Variants in NFASC observed in about 807,000 individuals in gnomAD.
NFASC encodes neurofascin.
A neutral mutation model predicts 147.5 loss-of-function variants in NFASC; 43 were observed. The observed-to-expected ratio is 0.29, with a 90% CI of 0.23 to 0.38. The LOEUF is 0.38. Among genes scored for constraint, NFASC ranks in the 10% least tolerant of loss-of-function variants. The pLI, the probability that NFASC is intolerant of heterozygous loss-of-function variation, is 1.00. For missense variants in NFASC, 1,320 were observed against 1,689.0 expected (o/e 0.78, Z 3.83); for synonymous variants, 622 against 665.5 (o/e 0.93, Z 1.01).
chr1:204,843,173 G>A (rs1424807351), intron 1 of NFASC, among the ~76,000 whole-genome samples: 1 of 152,196 alleles, frequency 6.6e-6, no homozygotes, highest in Non-Finnish European at 1.5e-5. Context: ...GCAGGCTGGT[G>A]ACATCATCCA....
At chr1:204,974,905 T>C (rs2095361875) in intron 14 of NFASC, 82 bp downstream of exon 14, 1 of 1,420,544 alleles carries the variant, frequency 7.0e-7, no homozygotes, top group Non-Finnish European at 9.9e-7. Context: ...AATATTCACA[T>C]TGAAAATGCA....
chr1:204,961,966 A>G (rs2094694223), intron 8 of NFASC: 1 of 644,218 alleles, frequency 1.6e-6, no homozygotes, highest in African/African-American at 1.8e-5. Context: ...CTTTCCAAAT[A>G]TGCCGTGTCT....
intron 1 of NFASC, among the ~76,000 whole-genome samples, chr1:204,861,043 T>C (rs2102843005): frequency 6.6e-6 from 1 of 152,132 alleles, no homozygotes; most frequent in South Asian, 2.1e-4. Flanking sequence ...TATGAACATT[T>C]TTGTGTACAA....
chr1:204,909,162 A>G (rs986363951), intron 1 of NFASC, among the ~76,000 whole-genome samples: 1 of 152,210 alleles, frequency 6.6e-6, no homozygotes, highest in African/African-American at 2.4e-5. Context: ...AAACTGCCAA[A>G]CCATATTCTA....
At chr1:205,001,528 C>T (rs2095986004) in intron 26 of NFASC, among the ~76,000 whole-genome samples, 1 of 152,144 alleles carries the variant, frequency 6.6e-6, no homozygotes, top group African/African-American at 2.4e-5. Flanking sequence ...GATTGCATGT[C>T]TGTGGAGGAC....
intron 1 of NFASC, among the ~76,000 whole-genome samples, chr1:204,903,871 C>T (rs970121762): frequency 6.6e-6 from 1 of 152,168 alleles, no homozygotes; most frequent in Non-Finnish European, 1.5e-5. Flanking sequence ...AAAGAAATCT[C>T]TGTGTCGTTT....
intron 24 of NFASC, among the ~76,000 whole-genome samples, chr1:204,993,075 G>A (rs1213150116): frequency 6.6e-6 from 1 of 152,192 alleles, no homozygotes; most frequent in East Asian, 1.9e-4. Flanking sequence ...TGCACAATGA[G>A]CAGGTGCCAA....
At chr1:204,860,311 T>C (rs963410660) in intron 1 of NFASC, among the ~76,000 whole-genome samples, 1 of 152,240 alleles carries the variant, frequency 6.6e-6, no homozygotes, top group Non-Finnish European at 1.5e-5. Flanking sequence ...TGCCTGTCTC[T>C]AGTCCTCATC....
intron 2 of NFASC, among the ~76,000 whole-genome samples, chr1:204,929,974 G>A (rs1380747663): frequency 6.6e-6 from 1 of 152,222 alleles, no homozygotes; most frequent in African/African-American, 2.4e-5. Context: ...AGATGGAAGG[G>A]AGGTGGCCAT....
chr1:204,887,422 C>A (rs1393921058), intron 1 of NFASC, among the ~76,000 whole-genome samples: 1 of 152,032 alleles, frequency 6.6e-6, no homozygotes, highest in Non-Finnish European at 1.5e-5. Context: ...TGGGTTGTTT[C>A]CACCTTTTAG....
chr1:204,980,546 C>T (rs2150443795), intron 20 of NFASC, 106 bp downstream of exon 20: 1 of 843,130 alleles, frequency 1.2e-6, no homozygotes, highest in South Asian at 1.6e-5. Context: ...GTGGTTCAGA[C>T]TCTCTGGCTG....
intron 1 of NFASC, among the ~76,000 whole-genome samples, chr1:204,885,162 A>G (rs752679327): frequency 7.2e-5 from 11 of 152,156 alleles, no homozygotes; most frequent in Non-Finnish European, 1.5e-4. Flanking sequence ...AGATGATTTT[A>G]AAGACCTTTT....
At chr1:204,971,772 T>G (rs1027646268) in intron 11 of NFASC, among the ~76,000 whole-genome samples, 1 of 152,162 alleles carries the variant, frequency 6.6e-6, no homozygotes, top group African/African-American at 2.4e-5. Context: ...CTGAACCTAG[T>G]TATCCCCAGT....
intron 27 of NFASC, among the ~76,000 whole-genome samples, chr1:205,004,550 C>G (rs1283540214): frequency 2.0e-5 from 3 of 152,228 alleles, no homozygotes; most frequent in Non-Finnish European, 4.4e-5. Flanking sequence ...CACAGGCTGG[C>G]TGGAAATTAC....
intron 1 of NFASC, among the ~76,000 whole-genome samples, chr1:204,858,751 C>T (rs1052690171): frequency 1.3e-5 from 2 of 152,120 alleles, no homozygotes; most frequent in South Asian, 2.1e-4. Context: ...CTGCCTGCAC[C>T]TGCTCCGTGT....
intron 2 of NFASC, among the ~76,000 whole-genome samples, chr1:204,927,692 T>C (rs1273015383): frequency 6.6e-6 from 1 of 152,006 alleles, no homozygotes; most frequent in African/African-American, 2.4e-5. Context: ...CACAAGATTA[T>C]CACTCCCCAC....
chr1:204,832,171 G>C (rs886743851), intron 1 of NFASC, among the ~76,000 whole-genome samples: 2 of 152,016 alleles, frequency 1.3e-5, no homozygotes, highest in Non-Finnish European at 2.9e-5. Context: ...GGTGAACCCG[G>C]CTAGATGTGG....
chr1:204,903,162 T>G (rs1458200259), intron 1 of NFASC, among the ~76,000 whole-genome samples: 3 of 152,214 alleles, frequency 2.0e-5, no homozygotes, highest in African/African-American at 7.2e-5. Context: ...TAATACTCTG[T>G]CCTCAGCACT....
At chr1:205,003,867 A>G (rs1558445396) in intron 27 of NFASC, among the ~76,000 whole-genome samples, 1 of 152,200 alleles carries the variant, frequency 6.6e-6, no homozygotes, top group Non-Finnish European at 1.5e-5. Flanking sequence ...TTCCTGGTCC[A>G]GCATCCTGTC....
Sources: gnomAD v4.1 joint callset for allele counts (sites outside exome capture counted in the v4.1 genomes callset) on GRCh38, gnomAD v4.1.1 for gene constraint, MANE v1.5 for transcripts, NCBI Gene and HGNC (gene_info 2026-07-23, HGNC 2026-07-21) for gene names.